Variants in PPCS observed in about 807,000 individuals in gnomAD.
PPCS encodes phosphopantothenoylcysteine synthetase, also known as phosphopantothenate--cysteine ligase.
In PPCS, 17 loss-of-function variants were observed where a neutral mutation model predicts 24.6. The observed-to-expected ratio is 0.69, with a 90% confidence interval of 0.47 to 1.04. The LOEUF (loss-of-function observed/expected upper bound fraction) is 1.04, where lower values mean the gene tolerates loss of function less well. Ranked by LOEUF, PPCS falls within the 50% of genes least tolerant of loss-of-function variation. PPCS has a pLI of 0.00. For synonymous variants in PPCS, 190 were observed against 168.3 expected (o/e 1.13, Z -1.00); for missense variants, 360 against 402.8 (o/e 0.89, Z 0.91).
In PPCS at chr1:42,456,551, G is replaced by T. The variant is rs774421917; in HGVS notation, c.-15G>T. ...GGCCGCGAAACGTGCGCAGGCGCCG[G>T]CCGCTGCGCTGCAGATGGCGGAAAT... On this transcript the variant is annotated 5_prime_UTR_variant, in exon 1 of 3. Coordinates refer to ENST00000372561, the MANE Select transcript of PPCS (RefSeq NM_024664.4). 27 of 1,454,750 alleles carry T rather than the reference G, an allele frequency of 1.9e-5. No individual in the cohort carries two copies. The highest frequency in any genetic ancestry group is 2.4e-5 in the Non-Finnish European group (26 of 1,106,102). 90.1% of individuals were successfully genotyped at this position (1,454,750 alleles called of 1,614,324 possible).
Position 42,460,337 on chromosome 1 carries a change from T to C in PPCS, c.*411T>C. The C allele has an allele frequency of 1.0e-6, 1 of 984,158 alleles. No homozygotes were observed. 61.0% of individuals were successfully genotyped at this position (984,158 alleles called of 1,614,324 possible). A position where few individuals can be genotyped will look rare whatever the true frequency, so the allele number is the denominator to read the frequency against. On this transcript the variant is annotated 3_prime_UTR_variant, in exon 3 of 3. Transcript: ENST00000372561. ...TGAGGATTAAAAAGATGAATAAACA[T>C]ATCTTGTTTAGGAAATGGATGTATA...
intron 2 of PPCS, chr1:42,468,639 G>A (rs1022472962): frequency 6.6e-6 from 1 of 152,222 alleles, no homozygotes; most frequent in African/African-American, 2.4e-5. Flanking sequence ...ATGTGTTTCT[G>A]TTTCTTGCCA....
Position 42,456,626 on chromosome 1 carries a change from GAGGTT to G in PPCS, c.63_67del (p.Glu21AspfsTer108). On this transcript the variant is annotated frameshift_variant, in exon 1 of 3. Transcript: ENST00000372561. LOFTEE classifies it high-confidence loss of function. ...GCCTCCCGGTGCTGCGCGCTGGGCTGAGGTTATGGCTCGCTTCGCGGCCAGGCTGG... is the reference window on the plus strand; with the variant it reads ...GCCTCCCGGTGCTGCGCGCTGGGCTGATGGCTCGCTTCGCGGCCAGGCTGG... The G allele has an allele frequency of 6.3e-7, 1 of 1,579,516 alleles. No individual in the cohort carries two copies.
At chr1:42,467,823 C>T (rs1643638283) in intron 2 of PPCS, 1 of 152,172 alleles carries the variant, frequency 6.6e-6, no homozygotes, top group Non-Finnish European at 1.5e-5. Flanking sequence ...TGGTGAGCAA[C>T]AAACAATTGT....
At chr1:42,469,459 G>C (rs1480042638) in intron 2 of PPCS, among the ~76,000 whole-genome samples, 2 of 152,178 alleles carry the variant, frequency 1.3e-5, no homozygotes, top group African/African-American at 4.8e-5. Flanking sequence ...GAGTGTGGGA[G>C]ACAAATTGTC....
At chr1:42,470,817 G>A (rs890594439) in intron 2 of PPCS, among the ~76,000 whole-genome samples, 7 of 152,172 alleles carry the variant, frequency 4.6e-5, no homozygotes, top group African/African-American at 1.7e-4. Flanking sequence ...GGAATGAGAA[G>A]TTATTGTTTA....
chr1:42,456,522 C>T, upstream of PPCS: 1 of 1,436,044 alleles, frequency 7.0e-7, no homozygotes, highest in Non-Finnish European at 9.1e-7. Flanking sequence ...GGGCGTGGCG[C>T]GGCGGCCGCG....
chr1:42,456,858 C>T lies in PPCS; in HGVS notation c.293C>T (p.Pro98Leu), dbSNP rs765154395. Reference protein sequence around the residue: ...SAFPYAHRFPPQTWLSALRPS... With the variant: ...SAFPYAHRFPLQTWLSALRPS... ...TTCCCCTATGCCCACCGCTTCCCAC[C>T]CCAGACTTGGCTGTCCGCTCTGCGG... Residue 98 changes from proline (P) to leucine (L), a missense_variant, in exon 1 of 3, where the codon CCC (proline) becomes CTC (leucine). Physicochemically the swap from Pro to Leu is moderately conservative, Grantham distance 98. This residue lies in a region of PPCS where 244 missense variants were observed against 234.7 expected (regional missense o/e 1.04). Coordinates refer to ENST00000372561, the MANE Select transcript of PPCS (RefSeq NM_024664.4). The T allele has an allele frequency of 6.2e-6, 10 of 1,613,522 alleles. No homozygotes were observed. The highest frequency in any genetic ancestry group is 5.0e-5 in the Admixed American group (3 of 60,036).
At chr1:42,459,474 T>C in intron 2 of PPCS, 129 bp from the exon 3 acceptor site, 1 of 845,666 alleles carries the variant, frequency 1.2e-6, no homozygotes, top group Non-Finnish European at 1.8e-6. Flanking sequence ...CTTTTTAAAC[T>C]AAACATTTAA....
At chr1:42,472,778 A>G (rs1246898091) in intron 2 of PPCS, among the ~76,000 whole-genome samples, 1 of 152,130 alleles carries the variant, frequency 6.6e-6, no homozygotes, top group Non-Finnish European at 1.5e-5. Flanking sequence ...TCATAACTAG[A>G]TAACAACAGG....
intron 2 of PPCS, among the ~76,000 whole-genome samples, chr1:42,466,927 A>G (rs1212524870): frequency 6.6e-6 from 1 of 152,190 alleles, no homozygotes; most frequent in African/African-American, 2.4e-5. Context: ...TTTATAATTT[A>G]GTTTTATTAC....
chr1:42,457,980 T>A (rs12040096), intron 2 of PPCS, among the ~76,000 whole-genome samples: 56,890 of 144,998 alleles, frequency 0.39, 11,529 homozygotes, highest in East Asian at 0.6. Flanking sequence ...ACACCAAAAA[T>A]CAAAACAAAA....
intron 2 of PPCS, among the ~76,000 whole-genome samples, chr1:42,466,911 A>G (rs985706724): frequency 4.6e-5 from 7 of 152,328 alleles, no homozygotes; most frequent in African/African-American, 1.4e-4. Context: ...TTTAGATGTC[A>G]GAGCATTTAT....
At chr1:42,457,930 G>A (rs1379534545) in intron 2 of PPCS, among the ~76,000 whole-genome samples, 1 of 151,148 alleles carries the variant, frequency 6.6e-6, no homozygotes, top group South Asian at 2.1e-4. Flanking sequence ...ACTCCAGCCC[G>A]GGCGACGAGA....
At chr1:42,465,737 G>C (rs111815594), downstream of PPCS, among the ~76,000 whole-genome samples, 2 of 152,126 alleles carry the variant, frequency 1.3e-5, no homozygotes, top group Non-Finnish European at 2.9e-5. Flanking sequence ...ATGTACGTAA[G>C]CATTTTTAGT....
chr1:42,462,391 C>G (rs78716659), downstream of PPCS, among the ~76,000 whole-genome samples: 582 of 152,130 alleles, frequency 3.8e-3, 8 homozygotes, highest in African/African-American at 0.014. Flanking sequence ...GCTACAAGTG[C>G]TGGTGGTGAG....
At chr1:42,463,901 C>T (rs1643484991), downstream of PPCS, 1 of 152,158 alleles carries the variant, frequency 6.6e-6, no homozygotes, top group Non-Finnish European at 1.5e-5. Flanking sequence ...GTCATGAAGT[C>T]AGTTACCTTC....
intron 2 of PPCS, chr1:42,457,596 G>T (rs376519497): frequency 4.2e-5 from 22 of 521,196 alleles, no homozygotes; most frequent in African/African-American, 2.3e-4. Flanking sequence ...CAGATCATGG[G>T]GCGAGTGAAT....
At position 42,459,508 on chromosome 1, in the gene PPCS, A is replaced by G. The variant is rs558989804; in HGVS notation, c.613-95A>G. On this transcript the variant is annotated intron_variant, in intron 2 of 2. Coordinates refer to ENST00000372561, the MANE Select transcript of PPCS (RefSeq NM_024664.4). Reference sequence around the variant, plus strand: ...AACTGAAAAGTTTGATGGTTGAGAAATCCCACTTAAATTTAATTCCTTAGT... The same window carrying G: ...AACTGAAAAGTTTGATGGTTGAGAAGTCCCACTTAAATTTAATTCCTTAGT... The G allele has an allele frequency of 2.8e-5, 30 of 1,075,880 alleles. No homozygotes were observed. The Admixed American group carries it at 6.5e-4, about 23-fold the overall frequency. 66.6% of individuals were successfully genotyped at this position (1,075,880 alleles called of 1,614,324 possible). A position where few individuals can be genotyped will look rare whatever the true frequency, so the allele number is the denominator to read the frequency against.
Sources: gnomAD v4.1 joint callset for allele counts (sites outside exome capture counted in the v4.1 genomes callset) on GRCh38, gnomAD v4.1.1 for gene constraint, gnomAD v4.1.1 regional missense constraint, MANE v1.5 for transcripts, NCBI Gene and HGNC (gene_info 2026-07-23, HGNC 2026-07-21) for gene names.